BCAR1: variants seen among roughly 807,000 people sequenced by gnomAD.
The protein encoded by BCAR1 is BCAR1 scaffold protein, Cas family member, also known as breast cancer anti-estrogen resistance protein 1.
In BCAR1, 30 loss-of-function variants were observed where a neutral mutation model predicts 67.6. That is an observed-to-expected ratio of 0.44 (90% CI 0.33 to 0.60). BCAR1 has a LOEUF of 0.60. BCAR1 is among the 20% of genes least tolerant of loss of function. The pLI is 0.02. For missense variants in BCAR1, 1,313 were observed against 1,222.3 expected (o/e 1.07, Z -1.11); for synonymous variants, 626 against 556.7 (o/e 1.12, Z -1.75).
At chr16:75,236,528 G>T (rs1243881615) in intron 4 of BCAR1, 8 of 388,930 alleles carry the variant, frequency 2.1e-5, no homozygotes, top group Admixed American at 4.2e-5. Flanking sequence ...ACCAAATTCT[G>T]GTTTGCCCAG....
chr16:75,254,760 T>C (rs1053888195), upstream of BCAR1, among the ~76,000 whole-genome samples: 1 of 152,054 alleles, frequency 6.6e-6, no homozygotes, highest in African/African-American at 2.4e-5. Context: ...TCCAGCCAGG[T>C]TGAAGATGAG....
chr16:75,264,240 C>G lies in BCAR1; in HGVS notation c.66+3675G>C. On this transcript the variant is annotated intron_variant, in intron 1 of 6. Transcript: ENST00000393422. ...CCCAGACTCCATGCCCAGAGCTTGG[C>G]TCTGACTGTGGACAACCAAACCAAA... is the stretch of plus-strand genomic sequence containing the variant. 5.8e-6 allele frequency: 8 copies of G among 1,370,958 alleles called. No individual in the cohort carries two copies. In the South Asian group the frequency reaches 9.0e-5, roughly 15 times the overall value. The allele number at this position is 1,370,958 out of a possible 1,614,324, so 84.9% of individuals were successfully genotyped here.
intron 2 of BCAR1, chr16:75,238,857 G>A (rs56373624): frequency 0.019 from 19,101 of 985,376 alleles, 205 homozygotes; most frequent in Non-Finnish European, 0.021. Flanking sequence ...CTCGAGGCAC[G>A]GCCTGAGGCT....
At chr16:75,267,116 G>A (rs765840455) in intron 1 of BCAR1, among the ~76,000 whole-genome samples, 10 of 152,292 alleles carry the variant, frequency 6.6e-5, no homozygotes, top group African/African-American at 2.2e-4. Context: ...CCCAAGGGGC[G>A]TGCAGCCTTG....
chr16:75,237,120 A>C, intron 3 of BCAR1, 63 bp downstream of exon 3: 8 of 1,501,290 alleles, frequency 5.3e-6, no homozygotes, highest in Non-Finnish European at 7.1e-6. Context: ...CTCTCGGCCC[A>C]GGGCCAAGCA....
Position 75,242,737 on chromosome 16 carries a change from C to T in BCAR1, c.366G>A (p.Lys122=). 6.3e-6 allele frequency: 10 copies of T among 1,585,022 alleles called. No homozygotes were observed. Among genetic ancestry groups the T allele is most frequent in the Non-Finnish European group, 8.6e-6 (10 of 1,165,996 alleles). The change falls in exon 2 of 7, where the codon AAG becomes AAA. Residue 122 remains lysine (K), a synonymous_variant. Transcript: ENST00000162330. ...GGACTTGGTAGAGGCCTTGCTGAGCCTTGCTGGGAGTGGGCACCAGGTAGA... is the reference window on the plus strand; with the variant it reads ...GGACTTGGTAGAGGCCTTGCTGAGCTTTGCTGGGAGTGGGCACCAGGTAGA... ...DSVYLVPTPS[K]AQQGLYQVPG...
chr16:75,250,364 A>C lies in BCAR1; in HGVS notation c.12+1107T>G, dbSNP rs984640182. Among the ~76,000 whole-genome samples the C allele has an allele frequency of 5.3e-5, 8 of 150,784 alleles. No individual in the cohort carries two copies. In the South Asian group the frequency reaches 8.4e-4, roughly 16 times the overall value. On this transcript the variant is annotated intron_variant, in intron 1 of 6. Coordinates refer to ENST00000162330, the MANE Select transcript of BCAR1 (RefSeq NM_014567.5). ...ACAGGCCGGCCAGCCCCCACCACCC[A>C]ACTCTCCACCGAGGGAAAGGAATGG...
At chr16:75,251,959 G>C, upstream of BCAR1, 2 of 580,846 alleles carry the variant, frequency 3.4e-6, no homozygotes, top group Non-Finnish European at 6.0e-6. Flanking sequence ...TGCCCGGTTT[G>C]CCTTCTTCCT....
chr16:75,251,921 A>G (rs997154272), upstream of BCAR1: 6 of 505,974 alleles, frequency 1.2e-5, no homozygotes, highest in Admixed American at 1.0e-4. Flanking sequence ...CCGAAGGCCT[A>G]CGCAAACTCC....
chr16:75,236,641 G>C, intron 4 of BCAR1: 1 of 688,602 alleles, frequency 1.5e-6, no homozygotes, highest in Non-Finnish European at 2.2e-6. Flanking sequence ...TCACCTTGCG[G>C]ATACCCTCTC....
At chr16:75,230,102 G>A (rs1165996933) in intron 6 of BCAR1, 79 bp from the exon 7 acceptor site, 3 of 1,489,764 alleles carry the variant, frequency 2.0e-6, no homozygotes, top group Non-Finnish European at 2.7e-6. Flanking sequence ...GGCACCCTGG[G>A]CTGGGCTTCT....
chr16:75,253,122 G>A (rs979287522), upstream of BCAR1, among the ~76,000 whole-genome samples: 5 of 151,768 alleles, frequency 3.3e-5, no homozygotes, highest in South Asian at 2.1e-4. Context: ...AGCCCGCCTC[G>A]CCTCAGAAGA....
chr16:75,233,709 G>A, intron 6 of BCAR1, 137 bp downstream of exon 6: 1 of 786,756 alleles, frequency 1.3e-6, no homozygotes, highest in East Asian at 2.7e-5. Flanking sequence ...GCAGGGGGGT[G>A]GCAGGCCGGG....
chr16:75,240,926 G>A (rs1465534924), intron 2 of BCAR1, among the ~76,000 whole-genome samples: 6 of 152,358 alleles, frequency 3.9e-5, no homozygotes, highest in East Asian at 1.9e-4. Context: ...CCTCGAGGCC[G>A]GGCTCTGTCT....
At chr16:75,261,126 G>T (rs1406327341) in intron 1 of BCAR1, among the ~76,000 whole-genome samples, 13 of 152,180 alleles carry the variant, frequency 8.5e-5, no homozygotes, top group Non-Finnish European at 1.3e-4. Context: ...TTCTGCCGAG[G>T]TCCCCAACCT....
intron 1 of BCAR1, chr16:75,263,172 T>C (rs1048906946): frequency 1.0e-6 from 1 of 980,958 alleles, no homozygotes; most frequent in African/African-American, 1.8e-5. Flanking sequence ...GTGGCCACAC[T>C]CACTTCACAG....
At chr16:75,264,399 C>T (rs1158334170) in intron 1 of BCAR1, 1 of 1,532,738 alleles carries the variant, frequency 6.5e-7, no homozygotes, top group Non-Finnish European at 8.7e-7. Flanking sequence ...CTGCCCAGTG[C>T]CCACAGGAGC....
chr16:75,229,140 C>T lies in BCAR1; in HGVS notation c.*371G>A, dbSNP rs957171496. ...TCTTCTCCTGGTAAGGCGGAGGACA[C>T]ACCAAACTGCACTGGCCCTGTCAGG... On this transcript the variant is annotated 3_prime_UTR_variant, in exon 7 of 7. Coordinates refer to ENST00000162330, the MANE Select transcript of BCAR1 (RefSeq NM_014567.5). 1.1e-4 allele frequency: 24 copies of T among 226,706 alleles called. No homozygotes were observed. Among genetic ancestry groups the T allele is most frequent in the Non-Finnish European group, 1.9e-4 (22 of 117,168 alleles). 14.0% of individuals were successfully genotyped at this position (226,706 alleles called of 1,614,324 possible). A position where few individuals can be genotyped will look rare whatever the true frequency, so the allele number is the denominator to read the frequency against.
chr16:75,236,786 C>A lies in BCAR1; in HGVS notation c.912+96G>T, dbSNP rs75519519. The stretch of plus-strand genomic sequence containing the variant: ...GAGCCAGTCTCTTCCTGCCCGCCAC[C>A]CCCAGCCCTGCAGACACTGGTCAGC... On this transcript the variant is annotated intron_variant, in intron 4 of 6. Transcript: ENST00000162330. 1.2e-3 allele frequency: 1,824 copies of A among 1,474,810 alleles called. 27 individuals are homozygous for A. Among genetic ancestry groups the A allele is most frequent in the African/African-American group, 8.2e-3 (584 of 71,498 alleles). The allele number at this position is 1,474,810 out of a possible 1,614,324, so 91.4% of individuals were successfully genotyped here.
Sources: gnomAD v4.1 joint callset for allele counts (sites outside exome capture counted in the v4.1 genomes callset) on GRCh38, gnomAD v4.1.1 for gene constraint, MANE v1.5 for transcripts, NCBI Gene and HGNC (gene_info 2026-07-23, HGNC 2026-07-21) for gene names.